Variants in VAV3 observed in about 807,000 individuals in gnomAD.
The protein encoded by VAV3 is vav guanine nucleotide exchange factor 3, also known as guanine nucleotide exchange factor VAV3.
VAV3 carries 94 observed loss-of-function variants against 131.2 expected under a neutral mutation model. That is an observed-to-expected ratio of 0.72 (90% CI 0.61 to 0.85). The LOEUF (loss-of-function observed/expected upper bound fraction) is 0.85, where lower values mean the gene tolerates loss of function less well. Ranked by LOEUF, VAV3 falls within the 40% of genes least tolerant of loss-of-function variation. The pLI is 0.00. For missense variants in VAV3, 939 were observed against 1,002.7 expected (o/e 0.94, Z 0.86); for synonymous variants, 349 against 342.0 (o/e 1.02, Z -0.22).
At chr1:107,951,456 A>T (rs12564964) in intron 1 of VAV3, among the ~76,000 whole-genome samples, 2 of 152,212 alleles carry the variant, frequency 1.3e-5, no homozygotes, top group African/African-American at 4.8e-5. Flanking sequence ...GAAATACAAA[A>T]GCAAAAATTG....
intron 1 of VAV3, among the ~76,000 whole-genome samples, chr1:107,886,467 G>A (rs948206475): frequency 3.3e-5 from 5 of 152,180 alleles, no homozygotes; most frequent in Non-Finnish European, 5.9e-5. Context: ...ATCTAGACTT[G>A]TGTTCCATTC....
chr1:107,906,139 G>A (rs768514127), intron 1 of VAV3, among the ~76,000 whole-genome samples: 17 of 152,170 alleles, frequency 1.1e-4, no homozygotes, highest in African/African-American at 3.4e-4. Flanking sequence ...ATCCACTGAT[G>A]AGCCCCCAAG....
chr1:107,811,215 A>T (rs866472271), intron 2 of VAV3, among the ~76,000 whole-genome samples: 21 of 152,188 alleles, frequency 1.4e-4, no homozygotes, highest in Admixed American at 5.2e-4. Context: ...GCTGGTTAGA[A>T]GTTGAACAGG....
At chr1:107,749,251 T>C (rs1663552298) in intron 14 of VAV3, among the ~76,000 whole-genome samples, 174 bp from the exon 15 acceptor site, 1 of 152,188 alleles carries the variant, frequency 6.6e-6, no homozygotes, top group Non-Finnish European at 1.5e-5. Context: ...GCCAAATGCG[T>C]TTTATTATCT....
intron 19 of VAV3, among the ~76,000 whole-genome samples, chr1:107,653,629 T>C (rs1409110015): frequency 2.0e-5 from 3 of 152,110 alleles, no homozygotes; most frequent in Non-Finnish European, 4.4e-5. Flanking sequence ...TAGAACCATT[T>C]AGTTACAATC....
At chr1:107,600,945 T>C (rs550952088) in intron 24 of VAV3, among the ~76,000 whole-genome samples, 29 of 152,314 alleles carry the variant, frequency 1.9e-4, no homozygotes, top group African/African-American at 6.5e-4. Flanking sequence ...TTAAGTCCCA[T>C]AGTAACTATA....
chr1:107,920,587 C>T (rs1672846818), intron 1 of VAV3, among the ~76,000 whole-genome samples: 1 of 152,208 alleles, frequency 6.6e-6, no homozygotes, highest in African/African-American at 2.4e-5. Flanking sequence ...AGTTTGAACT[C>T]TCCAAACCAC....
chr1:107,623,393 T>C (rs1200821379), intron 20 of VAV3, among the ~76,000 whole-genome samples: 1 of 152,222 alleles, frequency 6.6e-6, no homozygotes, highest in African/African-American at 2.4e-5. Flanking sequence ...TAAGTTTTCC[T>C]TTTTTATTTG....
chr1:107,777,423 C>A, intron 3 of VAV3, 127 bp from the exon 4 acceptor site: 2 of 802,026 alleles, frequency 2.5e-6, no homozygotes, highest in South Asian at 1.6e-5. Flanking sequence ...AGATCAGTCA[C>A]CATGTCTAAC....
intron 2 of VAV3, among the ~76,000 whole-genome samples, chr1:107,803,139 A>C (rs1557856952): frequency 6.6e-6 from 1 of 151,704 alleles, no homozygotes; most frequent in Non-Finnish European, 1.5e-5. Context: ...TACTTATAAT[A>C]GTTTCTAATG....
At chr1:107,844,582 C>G (rs1013390135) in intron 2 of VAV3, among the ~76,000 whole-genome samples, 4 of 152,162 alleles carry the variant, frequency 2.6e-5, no homozygotes, top group Non-Finnish European at 5.9e-5. Context: ...TTGAAATTCT[C>G]CTTGCCAGCA....
At chr1:107,606,279 T>C (rs1229370999) in intron 22 of VAV3, among the ~76,000 whole-genome samples, 1 of 152,232 alleles carries the variant, frequency 6.6e-6, no homozygotes, top group Non-Finnish European at 1.5e-5. Context: ...CAAATATTAA[T>C]ACATTGATTC....
intron 1 of VAV3, among the ~76,000 whole-genome samples, chr1:107,890,351 C>G (rs1482581761): frequency 6.6e-6 from 1 of 152,068 alleles, no homozygotes; most frequent in Non-Finnish European, 1.5e-5. Flanking sequence ...AGAATACTAA[C>G]CAGGTTGAAG....
intron 19 of VAV3, among the ~76,000 whole-genome samples, chr1:107,648,977 C>T (rs1000525546): frequency 6.6e-6 from 1 of 151,944 alleles, no homozygotes; most frequent in African/African-American, 2.4e-5. Context: ...CAACTGAGAG[C>T]TCACCAATAC....
intron 2 of VAV3, among the ~76,000 whole-genome samples, chr1:107,827,896 G>A (rs1363274025): frequency 6.6e-6 from 1 of 152,080 alleles, no homozygotes; most frequent in African/African-American, 2.4e-5. Flanking sequence ...ACTAGTTAAT[G>A]GTCAATTCCT....
At chr1:107,639,846 A>T (rs908348939) in intron 20 of VAV3, among the ~76,000 whole-genome samples, 2 of 151,540 alleles carry the variant, frequency 1.3e-5, no homozygotes, top group Non-Finnish European at 2.9e-5. Context: ...AGATGGGAAG[A>T]TGGCTTGAGC....
intron 22 of VAV3, among the ~76,000 whole-genome samples, chr1:107,604,135 A>C (rs1393273921): frequency 6.6e-6 from 1 of 152,242 alleles, no homozygotes; most frequent in African/African-American, 2.4e-5. Context: ...GATTTTAGTC[A>C]ATAGAACTTA....
At chr1:107,781,678 G>A (rs977491473) in intron 2 of VAV3, among the ~76,000 whole-genome samples, 17 of 152,200 alleles carry the variant, frequency 1.1e-4, no homozygotes, top group African/African-American at 3.4e-4. Flanking sequence ...TATTCTAACC[G>A]TAGCCCCCTG....
chr1:107,954,086 T>G (rs944497098), intron 1 of VAV3, among the ~76,000 whole-genome samples: 10 of 152,234 alleles, frequency 6.6e-5, no homozygotes, highest in African/African-American at 2.4e-4. Flanking sequence ...AAAACCAGAA[T>G]GTCAACTTGT....
Sources: gnomAD v4.1 joint callset for allele counts (sites outside exome capture counted in the v4.1 genomes callset) on GRCh38, gnomAD v4.1.1 for gene constraint, MANE v1.5 for transcripts, NCBI Gene and HGNC (gene_info 2026-07-23, HGNC 2026-07-21) for gene names.